Variants in PIK3C2G observed in about 807,000 individuals in gnomAD.
PIK3C2G encodes phosphatidylinositol 3-kinase C2 domain-containing subunit gamma.
PIK3C2G carries 168 observed loss-of-function variants against 181.1 expected under a neutral mutation model. That is an observed-to-expected ratio of 0.93 (90% CI 0.82 to 1.05). PIK3C2G has a LOEUF of 1.05. PIK3C2G is among the 50% of genes least tolerant of loss of function. PIK3C2G has a pLI of 0.00. For synonymous variants in PIK3C2G, 573 were observed against 592.2 expected (o/e 0.97, Z 0.47); for missense variants, 1,869 against 1,732.8 (o/e 1.08, Z -1.40).
intron 5 of PIK3C2G, among the ~76,000 whole-genome samples, chr12:18,302,055 C>T (rs1240821490): frequency 6.6e-6 from 1 of 152,154 alleles, no homozygotes; most frequent in Non-Finnish European, 1.5e-5. Context: ...TTGCTAGGGA[C>T]AAGGATACTG....
At chr12:18,366,474 G>A (rs1033404626) in intron 12 of PIK3C2G, among the ~76,000 whole-genome samples, 1 of 152,132 alleles carries the variant, frequency 6.6e-6, no homozygotes, top group African/African-American at 2.4e-5. Context: ...AGGTTGCAAT[G>A]AGCCGAGATT....
intron 24 of PIK3C2G, among the ~76,000 whole-genome samples, chr12:18,536,436 G>A (rs994147352): frequency 1.6e-4 from 24 of 152,108 alleles, no homozygotes; most frequent in African/African-American, 5.6e-4. Flanking sequence ...GGAGATTAGA[G>A]AACGGAGAGA....
At chr12:18,305,388 A>G (rs539115625) in intron 5 of PIK3C2G, among the ~76,000 whole-genome samples, 1 of 152,282 alleles carries the variant, frequency 6.6e-6, no homozygotes, top group African/African-American at 2.4e-5. Flanking sequence ...AAACTTGGTC[A>G]AAGGAATCTC....
At chr12:18,375,260 T>C (rs868485390) in intron 13 of PIK3C2G, among the ~76,000 whole-genome samples, 2 of 152,324 alleles carry the variant, frequency 1.3e-5, no homozygotes, top group African/African-American at 2.4e-5. Context: ...AAGGTCTCAG[T>C]TGGCAATAAG....
At chr12:18,658,973 C>G in the PIK3C2G span, among the ~76,000 whole-genome samples, 1 of 152,052 alleles carries the variant, frequency 6.6e-6, no homozygotes, top group African/African-American at 2.4e-5. Context: ...ATATTATAAT[C>G]ATGCAAGGAA....
chr12:18,293,351 T>C (rs937570705), intron 4 of PIK3C2G, among the ~76,000 whole-genome samples: 1 of 152,190 alleles, frequency 6.6e-6, no homozygotes, highest in Non-Finnish European at 1.5e-5. Context: ...GACAGAACAT[T>C]GATAAGAACA....
chr12:18,415,118 A>C (rs552877268), intron 16 of PIK3C2G, among the ~76,000 whole-genome samples: 49 of 152,354 alleles, frequency 3.2e-4, no homozygotes, highest in African/African-American at 1.2e-3. Flanking sequence ...TGAAAGAAAA[A>C]TGCAGGCATA....
At chr12:18,647,274 A>G (rs1205170633) in intron 32 of PIK3C2G, among the ~76,000 whole-genome samples, 1 of 152,068 alleles carries the variant, frequency 6.6e-6, no homozygotes, top group Non-Finnish European at 1.5e-5. Context: ...GATGGGAACC[A>G]TAAAGACTGG....
chr12:18,637,761 A>C (rs1369916368), intron 31 of PIK3C2G, among the ~76,000 whole-genome samples: 1 of 152,140 alleles, frequency 6.6e-6, no homozygotes, highest in Non-Finnish European at 1.5e-5. Flanking sequence ...GTTGTTGAAA[A>C]TTGTGTCTTT....
chr12:18,380,831 T>C (rs1021739152), intron 13 of PIK3C2G, among the ~76,000 whole-genome samples: 1 of 152,204 alleles, frequency 6.6e-6, no homozygotes, highest in Non-Finnish European at 1.5e-5. Flanking sequence ...ATTTGTTGAA[T>C]TTTTTCCTCA....
At chr12:18,416,477 T>C (rs1047695935) in intron 16 of PIK3C2G, among the ~76,000 whole-genome samples, 5 of 152,168 alleles carry the variant, frequency 3.3e-5, no homozygotes, top group African/African-American at 9.7e-5. Context: ...CTAGGGAAGA[T>C]AAGTCAATGC....
the PIK3C2G span, among the ~76,000 whole-genome samples, chr12:18,714,211 A>C: frequency 6.6e-6 from 1 of 152,164 alleles, no homozygotes; most frequent in African/African-American, 2.4e-5. Context: ...CGTTAAGATA[A>C]TTCTTTAAAT....
chr12:18,650,357 G>A (rs879291752), downstream of PIK3C2G, among the ~76,000 whole-genome samples: 20,049 of 138,300 alleles, frequency 0.14, 1,940 homozygotes, highest in African/African-American at 0.25. Flanking sequence ...ATGTGTGTGT[G>A]TGTGTGTGTG....
intron 30 of PIK3C2G, among the ~76,000 whole-genome samples, chr12:18,606,797 T>A (rs985962738): frequency 6.6e-6 from 1 of 152,030 alleles, no homozygotes; most frequent in African/African-American, 2.4e-5. Flanking sequence ...TTACCCCAGA[T>A]AACATACAAC....
chr12:18,511,903 T>A (rs1942235749), intron 24 of PIK3C2G, among the ~76,000 whole-genome samples: 1 of 152,076 alleles, frequency 6.6e-6, no homozygotes, highest in Non-Finnish European at 1.5e-5. Context: ...ACCAATGTCA[T>A]GGAGATTTCC....
chr12:18,295,095 G>A (rs112288689), intron 5 of PIK3C2G, among the ~76,000 whole-genome samples: 12,186 of 148,524 alleles, frequency 0.082, 546 homozygotes, highest in Non-Finnish European at 0.093. Context: ...TATTTCAATA[G>A]CATTTTTATA....
At chr12:18,654,920 GAA>G in the PIK3C2G span, among the ~76,000 whole-genome samples, 1 of 151,658 alleles carries the variant, frequency 6.6e-6, no homozygotes, top group Non-Finnish European at 1.5e-5. Context: ...AAAGGAAAAA[GAA>G]AAAAGACACT....
chr12:18,599,513 C>T (rs1460249408), intron 30 of PIK3C2G, among the ~76,000 whole-genome samples: 8 of 138,396 alleles, frequency 5.8e-5, no homozygotes, highest in Non-Finnish European at 9.3e-5. Flanking sequence ...TAGGGGGAGG[C>T]GGGAGGGATA....
At chr12:18,421,631 A>G (rs1945493266) in intron 17 of PIK3C2G, among the ~76,000 whole-genome samples, 1 of 152,070 alleles carries the variant, frequency 6.6e-6, no homozygotes, top group African/African-American at 2.4e-5. Context: ...GACCATGTAA[A>G]TAACAGAGTA....
Sources: gnomAD v4.1 joint callset for allele counts (sites outside exome capture counted in the v4.1 genomes callset) on GRCh38, gnomAD v4.1.1 for gene constraint, MANE v1.5 for transcripts, NCBI Gene and HGNC (gene_info 2026-07-23, HGNC 2026-07-21) for gene names.